The following TENM1 variants were observed in gnomAD, a reference collection of about 807,000 sequenced individuals.
TENM1 encodes the protein teneurin-1.
A neutral mutation model predicts 174.8 loss-of-function variants in TENM1; 35 were observed. The observed-to-expected ratio is 0.20, with a 90% confidence interval of 0.15 to 0.27. TENM1 has a LOEUF of 0.27. TENM1 is among the 10% of genes least tolerant of loss of function. TENM1 has a pLI of 1.00. For missense variants in TENM1, 1,633 were observed against 2,130.1 expected, an observed-to-expected ratio of 0.77 and a Z score of 4.59; for synonymous variants, 781 against 798.7, an observed-to-expected ratio of 0.98 and a Z score of 0.37.
chrX:125,071,857 A>G, the TENM1 span, among the ~76,000 whole-genome samples: 6 of 111,130 alleles, frequency 5.4e-5, no homozygotes, highest in Non-Finnish European at 1.1e-4. Flanking sequence ...CTATATTCAT[A>G]TATTTCTGTC....
At chrX:124,809,085 G>A (rs1175742385) in intron 3 of TENM1, among the ~76,000 whole-genome samples, 1 of 110,817 alleles carries the variant, frequency 9.0e-6, no homozygotes, top group Non-Finnish European at 1.9e-5. Context: ...TAGACTGAGA[G>A]AAGACTCAAA....
chrX:124,817,698 C>T (rs1319098521), intron 3 of TENM1, among the ~76,000 whole-genome samples: 3 of 111,946 alleles, frequency 2.7e-5, no homozygotes, highest in Admixed American at 9.5e-5. Flanking sequence ...TCAAAGCCTT[C>T]GCTTTCTCCA....
chrX:125,081,789 A>C, the TENM1 span, among the ~76,000 whole-genome samples: 1 of 111,535 alleles, frequency 9.0e-6, no homozygotes, highest in Non-Finnish European at 1.9e-5. Context: ...TGGTACATAC[A>C]CACTACGGAA....
the TENM1 span, among the ~76,000 whole-genome samples, chrX:125,069,750 C>A: frequency 1.8e-5 from 2 of 110,117 alleles, no homozygotes; most frequent in Non-Finnish European, 3.8e-5. Context: ...ACATGTATCC[C>A]AGAACTTAAA....
chrX:124,774,974 A>G, intron 3 of TENM1, among the ~76,000 whole-genome samples: 1 of 111,296 alleles, frequency 9.0e-6, no homozygotes, highest in South Asian at 3.9e-4. Context: ...ACACTCTAGC[A>G]CATCTTATTC....
At chrX:124,757,478 C>T (rs1386163755) in intron 3 of TENM1, among the ~76,000 whole-genome samples, 15 of 112,673 alleles carry the variant, frequency 1.3e-4, no homozygotes, top group Non-Finnish European at 2.6e-4. Context: ...TGCTTCGGCT[C>T]GCACACGGTG....
the TENM1 span, among the ~76,000 whole-genome samples, chrX:125,169,900 T>G: frequency 9.0e-6 from 1 of 111,348 alleles, no homozygotes; most frequent in African/African-American, 3.3e-5. Context: ...TATAAAAATC[T>G]AGCTGTAGGT....
At chrX:124,670,528 T>G (rs141051947) in intron 6 of TENM1, among the ~76,000 whole-genome samples, 3,131 of 111,446 alleles carry the variant, frequency 0.028, 120 homozygotes, top group African/African-American at 0.096. Context: ...CACTCCAGGC[T>G]AGAAACAAGT....
exon 30 of TENM1, chrX:124,384,367 G>A (rs1339397167): frequency 8.3e-7 from 1 of 1,211,421 alleles, no homozygotes; most frequent in Admixed American, 2.2e-5. Flanking sequence ...GGCTTAAGAG[G>A]TTGATGTTTC....
the TENM1 span, among the ~76,000 whole-genome samples, chrX:125,063,423 G>A: frequency 7.2e-5 from 8 of 111,216 alleles, no homozygotes; most frequent in Non-Finnish European, 1.5e-4. Context: ...CTGACAAAGG[G>A]CTAATATCCA....
At chrX:124,929,143 T>C (rs1020789896) in intron 1 of TENM1, among the ~76,000 whole-genome samples, 7 of 111,860 alleles carry the variant, frequency 6.3e-5, no homozygotes, top group Non-Finnish European at 1.3e-4. Flanking sequence ...ACCTGTCTTA[T>C]GCGTTATAGG....
chrX:125,053,629 T>C, the TENM1 span, among the ~76,000 whole-genome samples: 1 of 112,046 alleles, frequency 8.9e-6, no homozygotes, highest in Non-Finnish European at 1.9e-5. Context: ...CCAGAGTAGC[T>C]TTTATTTTGC....
chrX:124,879,283 T>A (rs1261786088), intron 3 of TENM1, among the ~76,000 whole-genome samples: 1 of 111,856 alleles, frequency 8.9e-6, no homozygotes, highest in Non-Finnish European at 1.9e-5. Flanking sequence ...TTTCCCCATA[T>A]CTCCTTCCCA....
rs576286188 is a variant in TENM1, at chrX:124,664,679, GGTGTGTGT to G, written c.1168+6996_1168+7003del. On this transcript the variant is annotated intron_variant, in intron 6 of 31. Coordinates refer to ENST00000422452, the Ensembl canonical transcript of TENM1. ...TTTCAATTCCCAAGAGTACTTGTGGGGTGTGTGTGTGTGTGTGTGTGTGTGTGTGTGTG... is the reference window on the plus strand; with the variant it reads ...TTTCAATTCCCAAGAGTACTTGTGGGGTGTGTGTGTGTGTGTGTGTGTGTG... Among the ~76,000 whole-genome samples, 484 of 86,941 alleles carry G rather than the reference GGTGTGTGT, an allele frequency of 5.6e-3. 4 individuals are homozygous for G. The highest frequency in any genetic ancestry group is 0.018 in the African/African-American group (407 of 23,136). The allele number at this position is 86,941 out of a possible 115,157, so 75.5% of individuals were successfully genotyped here. A position where few individuals can be genotyped will look rare whatever the true frequency, so the allele number is the denominator to read the frequency against.
chrX:124,928,151 G>T (rs1305231445), intron 1 of TENM1, among the ~76,000 whole-genome samples: 1 of 111,973 alleles, frequency 8.9e-6, no homozygotes, highest in East Asian at 2.8e-4. Context: ...TTTATGTCCT[G>T]ATTTCTCTGC....
chrX:125,164,027 ATT>A, the TENM1 span, among the ~76,000 whole-genome samples: 1 of 111,572 alleles, frequency 9.0e-6, no homozygotes, highest in East Asian at 2.8e-4. Flanking sequence ...AGCTTAAGTG[ATT>A]TTTTTTCTGA....
rs1291448261 is a variant in TENM1 at position 124,384,077 on chromosome X, A to T, written c.6854T>A (p.Ile2285Lys). The change falls in exon 30 of 32, where the codon ATA becomes AAA. Residue 2285 changes from isoleucine to lysine, a missense_variant. By Grantham distance (102) the Ile-to-Lys change is moderately radical. Transcript: ENST00000422452. The stretch of plus-strand genomic sequence containing the variant: ...GTGGTTGTACAAATGAGTAACTCTT[A>T]TGGGGTTGGTAAGGTCTGCATAAAA... 7 of 1,209,801 alleles carry T rather than the reference A, an allele frequency of 5.8e-6. No individual in the cohort carries two copies. The African/African-American group carries it at 1.1e-4, about 18-fold the overall frequency.
At chrX:124,748,355 T>C (rs6648622) in intron 3 of TENM1, among the ~76,000 whole-genome samples, 5 of 109,509 alleles carry the variant, frequency 4.6e-5, no homozygotes, top group East Asian at 2.8e-4. Flanking sequence ...GATATATATA[T>C]AGAGAGAGAG....
At chrX:124,893,416 TA>T (rs2057508078) in intron 3 of TENM1, among the ~76,000 whole-genome samples, 1 of 112,842 alleles carries the variant, frequency 8.9e-6, no homozygotes, top group Non-Finnish European at 1.9e-5. Context: ...AGAGTGGTCA[TA>T]AGGATGAAAT....
Sources: allele counts gnomAD v4.1 joint callset (sites outside exome capture counted in the v4.1 genomes callset), GRCh38; gene constraint gnomAD v4.1.1; transcripts MANE v1.5; gene names NCBI Gene and HGNC (gene_info 2026-07-23, HGNC 2026-07-21).